PAPOLG: variants seen among roughly 807,000 people sequenced by gnomAD.
The protein encoded by PAPOLG is poly(A) polymerase gamma, also known as PAP-gamma.
A neutral mutation model predicts 99.0 loss-of-function variants in PAPOLG; 40 were observed. The observed-to-expected ratio is 0.40, with a 90% CI of 0.31 to 0.53. The LOEUF (loss-of-function observed/expected upper bound fraction) is 0.53, where lower values mean the gene tolerates loss of function less well. Ranked by LOEUF, PAPOLG falls within the 20% of genes least tolerant of loss-of-function variation. The pLI is 0.41. For synonymous variants in PAPOLG, 310 were observed against 299.3 expected (o/e 1.04, Z -0.37); for missense variants, 675 against 884.1 (o/e 0.76, Z 3.00).
At chr2:60,774,443 A>ACAACCCCC (rs1277478500) in intron 7 of PAPOLG, among the ~76,000 whole-genome samples, 7 of 147,022 alleles carry the variant, frequency 4.8e-5, no homozygotes, top group Non-Finnish European at 9.0e-5. Context: ...TCAGCTCACT[A>ACAACCCCC]CAACCTCCGC....
chr2:60,798,612 T>A lies in PAPOLG; in HGVS notation c.*1452T>A, dbSNP rs1671780574. 6.6e-6 allele frequency: 1 copy of A among 152,346 alleles called. No individual in the cohort carries two copies. The highest frequency in any genetic ancestry group is 1.5e-5 in the Non-Finnish European group (1 of 68,042). The allele number at this position is 152,346 out of a possible 1,614,324, so 9.4% of individuals were successfully genotyped here. A position where few individuals can be genotyped will look rare whatever the true frequency, so the allele number is the denominator to read the frequency against. On this transcript the variant is annotated 3_prime_UTR_variant, in exon 22 of 22. Transcript: ENST00000238714. ...TTCACTCAGCATTTAGTAGGTCCAG[T>A]AGGAAAAACCCAAAATGGTACATTG... is the stretch of plus-strand genomic sequence containing the variant.
intron 3 of PAPOLG, among the ~76,000 whole-genome samples, chr2:60,767,345 CT>C (rs529844444): frequency 3.2e-3 from 438 of 138,242 alleles, no homozygotes; most frequent in Middle Eastern, 3.8e-3. Context: ...CTTTTTCTTT[CT>C]TTTTTTTTTT....
At chr2:60,772,463 AAG>A (rs1553377212) in intron 7 of PAPOLG, among the ~76,000 whole-genome samples, 15 of 151,568 alleles carry the variant, frequency 9.9e-5, no homozygotes, top group South Asian at 4.2e-4. Flanking sequence ...AAAAAAAAAA[AAG>A]AGGCCAGGCA....
intron 8 of PAPOLG, among the ~76,000 whole-genome samples, chr2:60,776,253 G>A (rs1558694090): frequency 6.6e-6 from 1 of 151,742 alleles, no homozygotes; most frequent in Non-Finnish European, 1.5e-5. Context: ...TTTTTTCTGA[G>A]CAGTAGATCT....
intron 12 of PAPOLG, 72 bp from the exon 13 acceptor site, chr2:60,783,081 AAAG>A: frequency 1.5e-6 from 2 of 1,335,992 alleles, no homozygotes; most frequent in South Asian, 1.6e-5. Context: ...GGGAGGGAAA[AAAG>A]GGGATGATTA....
In PAPOLG at chr2:60,794,693, C is replaced by A. The variant is rs748755325; in HGVS notation, c.1990-17C>A. ...GTAGGTACATAATAGCAATCTATTT[C>A]AATGTTTATATTTTAGTTTATTCGA... On this transcript the variant is annotated splice_polypyrimidine_tract_variant and intron_variant, in intron 19 of 21. Transcript: ENST00000238714. 2.5e-6 allele frequency: 4 copies of A among 1,602,544 alleles called. No individual in the cohort carries two copies. In the African/African-American group the frequency reaches 4.0e-5, roughly 16 times the overall value.
At chr2:60,782,602 G>T (rs1172426405) in intron 11 of PAPOLG, 84 bp from the exon 12 acceptor site, 7 of 1,336,634 alleles carry the variant, frequency 5.2e-6, no homozygotes, top group Non-Finnish European at 6.7e-6. Context: ...TTGAGATTTT[G>T]TAGTAGTAGA....
chr2:60,797,141 G>A lies in PAPOLG; in HGVS notation c.2192G>A (p.Arg731Gln), dbSNP rs762563389. ...ATCCGTGTCATCAAAAATTCCATTC[G>A]ACTGACCCTTAATCGGTAAAAGCAG... ...NNIRVIKNSI[R>Q]LTLNR Residue 731 changes from arginine to glutamine, a missense_variant, in exon 22 of 22, where the codon CGA becomes CAA. By Grantham distance (43) the Arg-to-Gln change is conservative. Around this residue, in one of 3 missense-constraint regions of PAPOLG, gnomAD observed 413 missense variants for 460.5 expected, o/e 0.90. Coordinates refer to ENST00000238714, the MANE Select transcript of PAPOLG (RefSeq NM_022894.4). The A allele has an allele frequency of 5.6e-6, 9 of 1,613,788 alleles. No homozygotes were observed. Among genetic ancestry groups the A allele is most frequent in the East Asian group, 4.5e-5 (2 of 44,878 alleles).
intron 13 of PAPOLG, among the ~76,000 whole-genome samples, chr2:60,785,498 G>GT (rs1202558365): frequency 6.6e-6 from 1 of 151,762 alleles, no homozygotes; most frequent in Non-Finnish European, 1.5e-5. Flanking sequence ...GCCAATATTA[G>GT]TTTCATTGTT....
intron 13 of PAPOLG, 75 bp from the exon 14 acceptor site, chr2:60,786,872 C>A: frequency 1.3e-6 from 2 of 1,521,550 alleles, no homozygotes; most frequent in South Asian, 1.3e-5. Flanking sequence ...AGTTAATATG[C>A]TGTTTGGTTT....
intron 1 of PAPOLG, among the ~76,000 whole-genome samples, chr2:60,758,405 C>T (rs1355045626): frequency 7.1e-6 from 1 of 140,342 alleles, no homozygotes; most frequent in African/African-American, 2.7e-5. Context: ...ATTCTTTCTC[C>T]CTCTCTGCCT....
rs148828470 is a variant in PAPOLG at position 60,785,847 on chromosome 2, G to A, written c.1167-1100G>A. 1.9e-3 allele frequency among the ~76,000 whole-genome samples: 294 copies of A among 152,066 alleles called. 1 individual carries two copies. The Middle Eastern group carries it at 0.02, about 11-fold the overall frequency. On this transcript the variant is annotated intron_variant, in intron 13 of 21. Coordinates refer to ENST00000238714, the MANE Select transcript of PAPOLG (RefSeq NM_022894.4). ...CGCACCTGGCCTAGCCTAGCCTTAG[G>A]TTTGAGACATAAGATTTGAAGGTAG...
In PAPOLG at chr2:60,797,291, T is replaced by C; in HGVS notation, c.*131T>C. The C allele has an allele frequency of 8.5e-7, 1 of 1,178,484 alleles. No individual in the cohort carries two copies. 73.0% of individuals were successfully genotyped at this position (1,178,484 alleles called of 1,614,324 possible). A position where few individuals can be genotyped will look rare whatever the true frequency, so the allele number is the denominator to read the frequency against. ...GTGACAGCCTTCAGTCTAATAACCT[T>C]GAAGTGGTTTTTGAACTGTCAAACT... On this transcript the variant is annotated 3_prime_UTR_variant, in exon 22 of 22. Coordinates refer to ENST00000238714, the MANE Select transcript of PAPOLG (RefSeq NM_022894.4).
At chr2:60,781,678 A>G (rs1671194187) in intron 10 of PAPOLG, among the ~76,000 whole-genome samples, 1 of 152,254 alleles carries the variant, frequency 6.6e-6, no homozygotes, top group South Asian at 2.1e-4. Flanking sequence ...GAGGAAAAAT[A>G]TACTTCTGCA....
At chr2:60,783,118 C>T (rs1671242270) in intron 12 of PAPOLG, 38 bp from the exon 13 acceptor site, 4 of 1,520,370 alleles carry the variant, frequency 2.6e-6, no homozygotes, top group Non-Finnish European at 3.5e-6. Context: ...AACAATTTTT[C>T]TGGCTTTTTT....
Position 60,756,407 on chromosome 2 carries a change from G to A in PAPOLG, c.-72G>A. The A allele has an allele frequency of 6.2e-7, 1 of 1,603,458 alleles. No individual in the cohort carries two copies. The highest frequency in any genetic ancestry group is 1.1e-5 in the South Asian group (1 of 90,812). On this transcript the variant is annotated 5_prime_UTR_variant, in exon 1 of 22. Transcript: ENST00000238714. The stretch of plus-strand genomic sequence containing the variant: ...CTAGCGACCGGAGGAAAGTGAACAG[G>A]GGGAGAAGGGAACAGCAAGAACAGG...
rs1206169118 is a variant in PAPOLG at position 60,784,217 on chromosome 2, C to T, written c.1166+1008C>T. On this transcript the variant is annotated intron_variant, in intron 13 of 21. Transcript: ENST00000238714. Reference sequence around the variant, plus strand: ...TGAACTCCTCACCTCGTGATCCACCCGCCTTGGCCTCCCAAAGTGCTGGAA... The same window carrying T: ...TGAACTCCTCACCTCGTGATCCACCTGCCTTGGCCTCCCAAAGTGCTGGAA... 3.3e-5 allele frequency among the ~76,000 whole-genome samples: 5 copies of T among 152,338 alleles called. 1 individual carries two copies. Among genetic ancestry groups the T allele is most frequent in the South Asian group, 2.1e-4 (1 of 4,832 alleles).
At chr2:60,771,052 T>G (rs1670838336) in intron 6 of PAPOLG, among the ~76,000 whole-genome samples, 1 of 152,250 alleles carries the variant, frequency 6.6e-6, no homozygotes, top group South Asian at 2.1e-4. Flanking sequence ...TTAGGTCTAC[T>G]GGGTCTGTTA....
intron 1 of PAPOLG, among the ~76,000 whole-genome samples, chr2:60,757,768 T>C (rs927816796): frequency 2.0e-5 from 3 of 152,348 alleles, no homozygotes; most frequent in East Asian, 3.9e-4. Context: ...GTAACTAGAA[T>C]TTCTCTAGGT....
Sources: allele counts gnomAD v4.1 joint callset (sites outside exome capture counted in the v4.1 genomes callset), GRCh38; gene constraint gnomAD v4.1.1; regional missense constraint gnomAD v4.1.1; transcripts MANE v1.5; gene names NCBI Gene and HGNC (gene_info 2026-07-23, HGNC 2026-07-21).